Variants in RBFOX2 observed in about 807,000 individuals in gnomAD.
RBFOX2 encodes RNA binding protein fox-1 homolog 2.
Under a neutral mutation model 49.1 loss-of-function variants are expected in RBFOX2, and 10 were observed. The observed-to-expected ratio is 0.20, with a 90% CI of 0.13 to 0.35. The LOEUF (loss-of-function observed/expected upper bound fraction) is 0.35, where lower values mean the gene tolerates loss of function less well. Among genes scored for constraint, RBFOX2 ranks in the 10% least tolerant of loss-of-function variants. RBFOX2 has a pLI of 1.00. For missense variants in RBFOX2, 323 were observed against 486.9 expected (o/e 0.66, Z 3.17); for synonymous variants, 183 against 187.4 (o/e 0.98, Z 0.19).
chr22:35,856,973 A>C (rs1377356619), intron 1 of RBFOX2, among the ~76,000 whole-genome samples: 1 of 152,220 alleles, frequency 6.6e-6, no homozygotes, highest in Admixed American at 6.5e-5. Flanking sequence ...CAGAGGTTGC[A>C]GTGAGCCGAG....
intron 1 of RBFOX2, among the ~76,000 whole-genome samples, chr22:35,988,788 C>G (rs146329828): frequency 1.3e-5 from 2 of 151,984 alleles, no homozygotes; most frequent in Non-Finnish European, 2.9e-5. Context: ...ATGGGAGGGA[C>G]GAAATTAAAG....
chr22:35,844,598 G>A (rs531129288), upstream of RBFOX2, among the ~76,000 whole-genome samples: 63 of 150,562 alleles, frequency 4.2e-4, no homozygotes, highest in African/African-American at 1.3e-3. Context: ...AGGTTCAAGC[G>A]ATTCTCCTGT....
chr22:35,931,410 A>C (rs2052393098), intron 1 of RBFOX2, among the ~76,000 whole-genome samples: 1 of 152,046 alleles, frequency 6.6e-6, no homozygotes, highest in South Asian at 2.1e-4. Context: ...ATTTTAATTC[A>C]GTCTCCAGCT....
At chr22:35,937,621 CG>C (rs1490235499) in intron 1 of RBFOX2, among the ~76,000 whole-genome samples, 5 of 152,134 alleles carry the variant, frequency 3.3e-5, no homozygotes, top group Admixed American at 1.3e-4. Flanking sequence ...GACAAAGTCT[CG>C]CTCTATCACT....
intron 6 of RBFOX2, among the ~76,000 whole-genome samples, chr22:35,762,665 C>T (rs1342263291): frequency 5.3e-5 from 8 of 151,868 alleles, no homozygotes; most frequent in Admixed American, 2.0e-4. Context: ...GCCACCATGC[C>T]TGGCTAGTTT....
At chr22:35,963,686 ATG>A (rs1955373870), upstream of RBFOX2, among the ~76,000 whole-genome samples, 2 of 152,162 alleles carry the variant, frequency 1.3e-5, no homozygotes, top group Admixed American at 6.5e-5. Context: ...AGAGTTTTAT[ATG>A]TGTCATCGCT....
exon 12 of RBFOX2, chr22:35,738,834 C>T (rs1928311250): frequency 6.6e-6 from 1 of 152,576 alleles, no homozygotes; most frequent in African/African-American, 2.4e-5. Context: ...AAGCCAGCAA[C>T]ATGATCAATA....
At chr22:35,994,474 T>G (rs2058108090) in intron 1 of RBFOX2, 1 of 151,950 alleles carries the variant, frequency 6.6e-6, no homozygotes. Context: ...AGCACGATCA[T>G]CGCTCACTGT....
At chr22:35,949,357 A>C (rs564706510) in intron 1 of RBFOX2, among the ~76,000 whole-genome samples, 1 of 152,202 alleles carries the variant, frequency 6.6e-6, no homozygotes, top group African/African-American at 2.4e-5. Context: ...GGGTGTACAG[A>C]TATCTATTCA....
chr22:35,919,530 CA>C (rs758998485), intron 1 of RBFOX2, among the ~76,000 whole-genome samples: 247 of 115,830 alleles, frequency 2.1e-3, no homozygotes, highest in Admixed American at 2.0e-3. Context: ...GAGACTGTCT[CA>C]AAAAAAAAAA....
chr22:35,959,076 C>T (rs2055915550), intron 1 of RBFOX2, among the ~76,000 whole-genome samples: 2 of 152,098 alleles, frequency 1.3e-5, no homozygotes, highest in South Asian at 4.2e-4. Flanking sequence ...TGAGACTCCA[C>T]TGGTGGCCCT....
rs551140560 is a variant in RBFOX2, at chr22:35,756,001, A to C, written c.887+3887T>G. 2.1e-3 allele frequency: 1,427 copies of C among 675,104 alleles called. 5 individuals are homozygous for C. Among genetic ancestry groups the C allele is most frequent in the Non-Finnish European group, 2.7e-3 (1,258 of 472,440 alleles). The allele number at this position is 675,104 out of a possible 1,614,324, so 41.8% of individuals were successfully genotyped here. On this transcript the variant is annotated intron_variant, in intron 9 of 11. Coordinates refer to ENST00000405409, the Ensembl canonical transcript of RBFOX2. ...CACAAGGAAAAAGAAAATAAAAATT[A>C]AATAAATTAAAAGGAAAAAAACCAA...
intron 1 of RBFOX2, among the ~76,000 whole-genome samples, chr22:35,968,933 G>A (rs560323171): frequency 7.9e-5 from 12 of 152,212 alleles, no homozygotes; most frequent in South Asian, 4.2e-4. Context: ...TGTCTCCACC[G>A]GCAATCTATC....
chr22:35,791,214 G>A (rs566828436), intron 2 of RBFOX2, among the ~76,000 whole-genome samples: 84 of 151,858 alleles, frequency 5.5e-4, no homozygotes, highest in African/African-American at 2.0e-3. Flanking sequence ...GTGAAACCTC[G>A]TCTCCACTAA....
intron 1 of RBFOX2, among the ~76,000 whole-genome samples, chr22:35,945,911 C>CA (rs914589923): frequency 8.6e-5 from 13 of 152,026 alleles, no homozygotes; most frequent in East Asian, 1.9e-4. Flanking sequence ...GCTTTCGCTG[C>CA]AAAAAAACTC....
At position 35,958,007 on chromosome 22, in the gene RBFOX2, C is replaced by T. The variant is rs556643413; in HGVS notation, c.42+3556G>A. ...TTAGCCTCAGAGTATAAAAGAAATACATTTCAAAGGATCATTCTGCAACAT... is the reference window on the plus strand; with the variant it reads ...TTAGCCTCAGAGTATAAAAGAAATATATTTCAAAGGATCATTCTGCAACAT... On this transcript the variant is annotated intron_variant, in intron 1 of 5. Transcript: ENST00000408983. 2.4e-4 allele frequency among the ~76,000 whole-genome samples: 37 copies of T among 152,272 alleles called. No homozygotes were observed. The East Asian group carries it at 4.6e-3, about 19-fold the overall frequency.
intron 1 of RBFOX2, among the ~76,000 whole-genome samples, chr22:35,972,943 A>G (rs2056959882): frequency 6.6e-6 from 1 of 152,230 alleles, no homozygotes; most frequent in African/African-American, 2.4e-5. Context: ...TAAATTCACT[A>G]CTAAGCTACT....
intron 1 of RBFOX2, among the ~76,000 whole-genome samples, chr22:35,860,257 T>A (rs2149077218): frequency 6.6e-6 from 1 of 152,196 alleles, no homozygotes; most frequent in Non-Finnish European, 1.5e-5. Context: ...CTTGCTACTC[T>A]CTGGAACCCC....
At chr22:36,003,636 G>A (rs2146278745) in intron 1 of RBFOX2, among the ~76,000 whole-genome samples, 1 of 152,228 alleles carries the variant, frequency 6.6e-6, no homozygotes, top group East Asian at 1.9e-4. Context: ...TTAATTCACA[G>A]TTAAAAATAA....
Sources: allele counts gnomAD v4.1 joint callset (sites outside exome capture counted in the v4.1 genomes callset), GRCh38; gene constraint gnomAD v4.1.1; transcripts MANE v1.5; gene names NCBI Gene and HGNC (gene_info 2026-07-23, HGNC 2026-07-21).